Variants in THRA observed in about 807,000 individuals in gnomAD.
THRA encodes thyroid hormone receptor alpha.
In THRA, 13 loss-of-function variants were observed where a neutral mutation model predicts 45.0. The observed-to-expected ratio is 0.29, with a 90% CI of 0.19 to 0.46. THRA has a LOEUF of 0.46. THRA is among the 20% of genes least tolerant of loss of function. The pLI is 1.00. For missense variants in THRA, 278 were observed against 556.1 expected (o/e 0.50, Z 5.03); for synonymous variants, 195 against 214.0 (o/e 0.91, Z 0.78).
intron 2 of THRA, among the ~76,000 whole-genome samples, chr17:40,075,154 A>G (rs1340047182): frequency 6.6e-6 from 1 of 152,250 alleles, no homozygotes; most frequent in Non-Finnish European, 1.5e-5. Context: ...CACATACACC[A>G]AGGGATGGTT....
At chr17:40,074,587 C>G (rs1306060258) in intron 2 of THRA, 46 bp downstream of exon 2, 1 of 1,607,052 alleles carries the variant, frequency 6.2e-7, no homozygotes, top group Admixed American at 1.7e-5. Context: ...AAGCAGCAGG[C>G]ATGGGCACCT....
chr17:40,085,467 G>T (rs1987289246), intron 6 of THRA, among the ~76,000 whole-genome samples: 1 of 151,624 alleles, frequency 6.6e-6, no homozygotes, highest in African/African-American at 2.4e-5. Context: ...CCGAGTAGTT[G>T]GGATTACAGG....
intron 2 of THRA, among the ~76,000 whole-genome samples, chr17:40,075,623 A>T (rs955795554): frequency 6.6e-6 from 1 of 152,216 alleles, no homozygotes; most frequent in South Asian, 2.1e-4. Flanking sequence ...AAAGGCAGGA[A>T]TGCCAGTTCC....
intron 1 of THRA, among the ~76,000 whole-genome samples, chr17:40,063,602 A>C (rs540186320): frequency 6.6e-6 from 1 of 152,098 alleles, no homozygotes; most frequent in African/African-American, 2.4e-5. Flanking sequence ...GGGAGAGGGA[A>C]GTTCCCCCGC....
chr17:40,082,015 G>A (rs1987153714), intron 4 of THRA, among the ~76,000 whole-genome samples: 1 of 151,914 alleles, frequency 6.6e-6, no homozygotes, highest in Non-Finnish European at 1.5e-5. Context: ...GAATCCCAAT[G>A]TAGAGAATTG....
In THRA at chr17:40,084,625, C is replaced by G; in HGVS notation, c.386C>G (p.Ser129Trp). ...GMAMDLVLDDSKRVAKRKLIE... is the reference protein window; with the variant it reads ...GMAMDLVLDDWKRVAKRKLIE... ...CTGTTCACAGTGGTTCTAGATGACT[C>G]GAAGCGGGTGGCCAAGCGTAAGCTG... The change falls in exon 6 of 9, where the codon TCG becomes TGG. Residue 129 changes from serine (S) to tryptophan (W), a missense_variant. Coordinates refer to ENST00000450525, the MANE Select transcript of THRA (RefSeq NM_199334.5). 1.9e-6 allele frequency: 3 copies of G among 1,614,044 alleles called. No individual in the cohort carries two copies. Among genetic ancestry groups the G allele is most frequent in the Non-Finnish European group, 2.5e-6 (3 of 1,180,004 alleles).
intron 1 of THRA, among the ~76,000 whole-genome samples, chr17:40,071,298 ACT>A (rs1986766432): frequency 6.6e-6 from 1 of 151,972 alleles, no homozygotes; most frequent in Non-Finnish European, 1.5e-5. Flanking sequence ...GGGGACAGAA[ACT>A]CCCCTCTGGC....
rs1165709653 is a variant in THRA at position 40,092,916 on chromosome 17, G to A, written c.*3460G>A. On this transcript the variant is annotated 3_prime_UTR_variant, in exon 9 of 9. Transcript: ENST00000450525. ...GGAAGTTCGGTGATGGGGGAGGGAG[G>A]CAGGTATTTACAAGAAGGCTCAGGG... 4 of 1,470,264 alleles carry A rather than the reference G, an allele frequency of 2.7e-6. No individual in the cohort carries two copies. The highest frequency in any genetic ancestry group is 3.6e-6 in the Non-Finnish European group (4 of 1,101,222). 91.1% of individuals were successfully genotyped at this position (1,470,264 alleles called of 1,614,324 possible).
At chr17:40,065,912 C>T (rs1986544153) in intron 1 of THRA, among the ~76,000 whole-genome samples, 1 of 152,236 alleles carries the variant, frequency 6.6e-6, no homozygotes, top group Non-Finnish European at 1.5e-5. Flanking sequence ...TCCCCCCACA[C>T]TGGCCCAAGC....
intron 7 of THRA, among the ~76,000 whole-genome samples, chr17:40,087,650 G>A (rs2145083671): frequency 6.6e-6 from 1 of 152,294 alleles, no homozygotes; most frequent in East Asian, 1.9e-4. Flanking sequence ...CTGGAGACAG[G>A]CTGCCCTACT....
chr17:40,085,032 G>T (rs1002044210), intron 6 of THRA, among the ~76,000 whole-genome samples: 1 of 152,192 alleles, frequency 6.6e-6, no homozygotes, highest in Non-Finnish European at 1.5e-5. Context: ...TGAGGACAGG[G>T]CCTTGCCTTC....
chr17:40,093,076 G>A, downstream of THRA: 1 of 1,614,120 alleles, frequency 6.2e-7, no homozygotes. This position sits in a 1 kb window ranked among gnomAD's most constrained non-coding sequence, Gnocchi z 5.9. Flanking sequence ...AAGGCCGGCC[G>A]GGCGGGTCAC....
At chr17:40,071,492 C>T (rs1044752145) in intron 1 of THRA, among the ~76,000 whole-genome samples, 3 of 152,246 alleles carry the variant, frequency 2.0e-5, no homozygotes, top group African/African-American at 4.8e-5. Context: ...TTTGCCTACA[C>T]TGCCTCCCAG....
chr17:40,077,765 A>G (rs951020743), intron 4 of THRA, among the ~76,000 whole-genome samples, 157 bp downstream of exon 4: 2 of 151,352 alleles, frequency 1.3e-5, no homozygotes, highest in Non-Finnish European at 2.9e-5. Context: ...TGGCGCGATC[A>G]TGGCTCACTG....
chr17:40,088,196 C>T (rs368514059), intron 7 of THRA, 46 bp from the exon 8 acceptor site: 74 of 1,544,550 alleles, frequency 4.8e-5, no homozygotes, highest in South Asian at 7.5e-5. Context: ...CTCAAGGACG[C>T]GGGGAGGGGT....
chr17:40,075,152 C>G (rs576287681), intron 2 of THRA, among the ~76,000 whole-genome samples: 1 of 152,376 alleles, frequency 6.6e-6, no homozygotes, highest in Admixed American at 6.5e-5. Context: ...TGCACATACA[C>G]CAAGGGATGG....
At chr17:40,065,627 G>T (rs1017482145) in intron 1 of THRA, among the ~76,000 whole-genome samples, 1 of 152,112 alleles carries the variant, frequency 6.6e-6, no homozygotes, top group East Asian at 1.9e-4. Flanking sequence ...CCCAAGCTCC[G>T]CCCCTCTGCC....
chr17:40,080,094 A>G (rs1443312551), intron 4 of THRA, among the ~76,000 whole-genome samples: 1 of 151,736 alleles, frequency 6.6e-6, no homozygotes, highest in East Asian at 1.9e-4. Flanking sequence ...AAAAAAAAAG[A>G]AACAGAATGA....
At chr17:40,084,885 T>C (rs1455640440) in intron 6 of THRA, 70 bp downstream of exon 6, 3 of 1,557,766 alleles carry the variant, frequency 1.9e-6, no homozygotes, top group Admixed American at 3.5e-5. Context: ...CTCGGAGTCT[T>C]GCCTCCTCCA....
Sources: gnomAD v4.1 joint callset for allele counts (sites outside exome capture counted in the v4.1 genomes callset) on GRCh38, gnomAD v4.1.1 for gene constraint, Gnocchi (gnomAD v3.1) non-coding constraint, MANE v1.5 for transcripts, NCBI Gene and HGNC (gene_info 2026-07-23, HGNC 2026-07-21) for gene names.